RUNX1: variants seen among roughly 807,000 people sequenced by gnomAD.
RUNX1 encodes runt-related transcription factor 1.
In RUNX1, 19 loss-of-function variants were observed where a neutral mutation model predicts 42.8. The observed-to-expected ratio is 0.44, with a 90% CI of 0.31 to 0.65. The LOEUF is 0.65. Ranked by LOEUF, RUNX1 falls within the 30% of genes least tolerant of loss-of-function variation. RUNX1 has a pLI of 0.07. For missense variants in RUNX1, 528 were observed against 672.0 expected, an observed-to-expected ratio of 0.79 and a Z score of 2.37; for synonymous variants, 271 against 289.4, an observed-to-expected ratio of 0.94 and a Z score of 0.64.
At chr21:34,878,376 T>TAC (rs909686489) in intron 5 of RUNX1, among the ~76,000 whole-genome samples, 8 of 147,908 alleles carry the variant, frequency 5.4e-5, no homozygotes, top group South Asian at 2.1e-4. Context: ...TATATATATA[T>TAC]ACACACACAC....
At chr21:34,817,823 C>A (rs907839633) in intron 7 of RUNX1, among the ~76,000 whole-genome samples, 5 of 152,160 alleles carry the variant, frequency 3.3e-5, no homozygotes, top group Admixed American at 3.3e-4. Context: ...TCCTTCAGAG[C>A]GATCATCACC....
Position 34,796,883 on chromosome 21 carries a change from G to C in RUNX1, c.967+2418C>G, listed in dbSNP as rs564192088. On this transcript the variant is annotated intron_variant, in intron 8 of 8. Coordinates refer to ENST00000675419, the MANE Select transcript of RUNX1 (RefSeq NM_001754.5). ...GGAGTCTGTCTGCAAAGGATAGAGA[G>C]AGAGAGACAGACAGAGTCCAAGTCC... Among the ~76,000 whole-genome samples, 19 of 152,300 alleles carry C rather than the reference G, an allele frequency of 1.2e-4. No individual in the cohort carries two copies. In the East Asian group the frequency reaches 3.5e-3, roughly 28 times the overall value.
At chr21:34,826,340 T>C (rs959835885) in intron 7 of RUNX1, among the ~76,000 whole-genome samples, 5 of 152,114 alleles carry the variant, frequency 3.3e-5, no homozygotes, top group Non-Finnish European at 7.4e-5. Flanking sequence ...CTTGGGTTAA[T>C]GCAGCAAGGA....
In RUNX1 at chr21:34,791,469, C is replaced by T. The variant is rs983380405; in HGVS notation, c.*666G>A. On this transcript the variant is annotated 3_prime_UTR_variant, in exon 9 of 9. Coordinates refer to ENST00000675419, the MANE Select transcript of RUNX1 (RefSeq NM_001754.5). ...AAACAAAACAAAAAAAAACAACTAC[C>T]CAAAAGTCCAAAAGAAAAGTTAAAT... 2.2e-5 allele frequency: 5 copies of T among 228,864 alleles called. No individual in the cohort carries two copies. The East Asian group carries it at 3.1e-4, about 14-fold the overall frequency. The allele number at this position is 228,864 out of a possible 1,614,324, so 14.2% of individuals were successfully genotyped here.
intron 2 of RUNX1, among the ~76,000 whole-genome samples, chr21:34,992,301 A>G (rs8130985): frequency 0.18 from 26,711 of 152,174 alleles, 2,685 homozygotes; most frequent in African/African-American, 0.26. Context: ...GCAGGCCAGC[A>G]TGTTCCTCTC....
At chr21:34,821,588 A>G in intron 7 of RUNX1, 1 of 1,548,068 alleles carries the variant, frequency 6.5e-7, no homozygotes, top group Admixed American at 2.0e-5. Context: ...CTTTCTTCTG[A>G]GTCTCTTCTG....
At chr21:34,904,408 C>T (rs1319486451) in intron 2 of RUNX1, among the ~76,000 whole-genome samples, 1 of 151,884 alleles carries the variant, frequency 6.6e-6, no homozygotes, top group Non-Finnish European at 1.5e-5. Flanking sequence ...AGAGATCATC[C>T]AAAAATTATT....
At chr21:34,853,147 T>TC (rs1794325292) in intron 6 of RUNX1, among the ~76,000 whole-genome samples, 1 of 151,934 alleles carries the variant, frequency 6.6e-6, no homozygotes, top group Non-Finnish European at 1.5e-5. Flanking sequence ...CGGGGTCAGG[T>TC]CCCCCTTCAT....
chr21:34,904,978 AAAG>A (rs142013665), intron 2 of RUNX1, among the ~76,000 whole-genome samples: 22,281 of 152,140 alleles, frequency 0.15, 2,510 homozygotes, highest in African/African-American at 0.31. Context: ...TCTAAGGAGG[AAAG>A]AAGAAAACTT....
chr21:34,803,763 G>A (rs1030776390), intron 7 of RUNX1, among the ~76,000 whole-genome samples: 1 of 152,162 alleles, frequency 6.6e-6, no homozygotes. Context: ...GAAATGGGAA[G>A]TTAGGGATAA....
intron 2 of RUNX1, among the ~76,000 whole-genome samples, chr21:34,987,391 G>A (rs933131): frequency 0.45 from 68,927 of 151,976 alleles, 16,040 homozygotes; most frequent in Non-Finnish European, 0.5. Flanking sequence ...TCCAGACAGC[G>A]GTGAAGAATG....
chr21:34,904,274 T>C (rs2058200218), intron 2 of RUNX1, among the ~76,000 whole-genome samples: 2 of 152,300 alleles, frequency 1.3e-5, no homozygotes, highest in African/African-American at 4.8e-5. Flanking sequence ...GTTATCTTTT[T>C]GAAAGGTAGA....
Position 34,901,053 on chromosome 21 carries a change from T to G in RUNX1, c.59-8090A>C, listed in dbSNP as rs116383713. On this transcript the variant is annotated intron_variant, in intron 2 of 8. Transcript: ENST00000675419. This position sits in a 1 kb window ranked among gnomAD's most constrained non-coding sequence, Gnocchi z 4.3. ...ATCAATTCAGTGAGGGAGCTACTGG[T>G]CTAATGGTCTAAGCTATGGAATCCA... is the stretch of plus-strand genomic sequence containing the variant. Among the ~76,000 whole-genome samples, 3,261 of 152,276 alleles carry G rather than the reference T, an allele frequency of 0.021. 137 individuals are homozygous for G. The highest frequency in any genetic ancestry group is 0.075 in the African/African-American group (3,102 of 41,528).
chr21:34,985,706 G>C (rs1255252705), intron 2 of RUNX1, among the ~76,000 whole-genome samples: 1 of 151,906 alleles, frequency 6.6e-6, no homozygotes, highest in Non-Finnish European at 1.5e-5. Flanking sequence ...GTTATGAATG[G>C]GGTACACACC....
chr21:34,960,455 T>C (rs1173150952), intron 2 of RUNX1, among the ~76,000 whole-genome samples: 1 of 152,216 alleles, frequency 6.6e-6, no homozygotes, highest in Non-Finnish European at 1.5e-5. Flanking sequence ...GAAGCTTGGG[T>C]CACTGAATCT....
At chr21:35,011,520 T>G (rs2059126575) in intron 2 of RUNX1, among the ~76,000 whole-genome samples, 1 of 152,212 alleles carries the variant, frequency 6.6e-6, no homozygotes, top group Non-Finnish European at 1.5e-5. Flanking sequence ...GAAAAGAACT[T>G]AAAACAACTT....
chr21:34,948,486 C>T (rs892167640), intron 2 of RUNX1, among the ~76,000 whole-genome samples: 1 of 152,124 alleles, frequency 6.6e-6, no homozygotes, highest in African/African-American at 2.4e-5. Flanking sequence ...AGGTGCTTTG[C>T]TTAAATTACT....
At chr21:34,908,662 C>G (rs2058245932) in intron 2 of RUNX1, among the ~76,000 whole-genome samples, 1 of 152,128 alleles carries the variant, frequency 6.6e-6, no homozygotes, top group Non-Finnish European at 1.5e-5. Context: ...TGTGCTGAAG[C>G]TGTAGATAAC....
rs199733903 is a variant in RUNX1 at position 34,792,162 on chromosome 21, C to T, written c.1416G>A (p.Leu472=). The T allele has an allele frequency of 6.6e-6, 10 of 1,515,964 alleles. No individual in the cohort carries two copies. Among genetic ancestry groups the T allele is most frequent in the Middle Eastern group, 2.2e-4 (1 of 4,528 alleles). 93.9% of individuals were successfully genotyped at this position (1,515,964 alleles called of 1,614,324 possible). The change falls in exon 9 of 9, where the codon CTG becomes CTA. Residue 472 remains leucine, a synonymous_variant. Transcript: ENST00000675419. This position sits in a 1 kb window ranked among gnomAD's most constrained non-coding sequence, Gnocchi z 6.9. ...SPTNMAPSAR[L]EEAVWRPY ...AGTAGGGCCTCCACACGGCCTCCTC[C>T]AGGCGCGCGGAGGGCGCCATGTTGG...
Sources: allele counts gnomAD v4.1 joint callset (sites outside exome capture counted in the v4.1 genomes callset), GRCh38; gene constraint gnomAD v4.1.1; non-coding constraint Gnocchi (gnomAD v3.1); transcripts MANE v1.5; gene names NCBI Gene and HGNC (gene_info 2026-07-23, HGNC 2026-07-21).